CCDC85C: variants seen among roughly 807,000 people sequenced by gnomAD.
The protein encoded by CCDC85C is coiled-coil domain containing 85C, also known as coiled-coil domain-containing protein 85C.
CCDC85C carries 18 observed loss-of-function variants against 38.3 expected under a neutral mutation model. The observed-to-expected ratio is 0.47, with a 90% CI of 0.33 to 0.70. The LOEUF is 0.70. Among genes scored for constraint, CCDC85C ranks in the 30% least tolerant of loss-of-function variants. The pLI is 0.03. For synonymous variants in CCDC85C, 264 were observed against 293.8 expected (o/e 0.90, Z 1.04); for missense variants, 566 against 621.2 (o/e 0.91, Z 0.94).
chr14:99,593,001 T>C (rs2055104051), intron 1 of CCDC85C, among the ~76,000 whole-genome samples: 1 of 152,212 alleles, frequency 6.6e-6, no homozygotes, highest in Non-Finnish European at 1.5e-5. Flanking sequence ...AGCGTCCCAT[T>C]GTTCCACCAG....
intron 2 of CCDC85C, among the ~76,000 whole-genome samples, chr14:99,527,553 G>A (rs1267785936): frequency 6.6e-6 from 1 of 152,178 alleles, no homozygotes; most frequent in African/African-American, 2.4e-5. Flanking sequence ...CTGGGCACAG[G>A]TGGGAGCTGA....
chr14:99,604,144 G>A lies in CCDC85C; in HGVS notation c.-185C>T. 2.4e-6 allele frequency: 1 copy of A among 412,858 alleles called. No individual in the cohort carries two copies. The highest frequency in any genetic ancestry group is 3.2e-6 in the Non-Finnish European group (1 of 309,334). The allele number at this position is 412,858 out of a possible 1,614,324, so 25.6% of individuals were successfully genotyped here. Reference sequence around the variant, plus strand: ...GGCCGCCCGGGAGCCCGCGCGCCTCGGGGTTGACGAGCGGAGGCGGCTGCT... The same window carrying A: ...GGCCGCCCGGGAGCCCGCGCGCCTCAGGGTTGACGAGCGGAGGCGGCTGCT... On this transcript the variant is annotated 5_prime_UTR_variant, in exon 1 of 6. Coordinates refer to ENST00000380243, the MANE Select transcript of CCDC85C (RefSeq NM_001144995.2).
rs1897195127 is a variant in CCDC85C, at chr14:99,514,827, T to C, written c.*419A>G. On this transcript the variant is annotated 3_prime_UTR_variant, in exon 6 of 6. Coordinates refer to ENST00000380243, the MANE Select transcript of CCDC85C (RefSeq NM_001144995.2). ...ACCTGCGTCAAGACCCAGGTAGTGG[T>C]GGTCTCTGTCCAGTGTGGGTGGCAG... The C allele has an allele frequency of 6.2e-6, 1 of 161,382 alleles. No individual in the cohort carries two copies. Among genetic ancestry groups the C allele is most frequent in the Admixed American group, 5.8e-5 (1 of 17,162 alleles). The allele number at this position is 161,382 out of a possible 1,614,324, so 10.0% of individuals were successfully genotyped here.
intron 1 of CCDC85C, among the ~76,000 whole-genome samples, chr14:99,537,562 C>T (rs1344979797): frequency 6.6e-6 from 1 of 152,170 alleles, no homozygotes; most frequent in African/African-American, 2.4e-5. Flanking sequence ...CGGCCGCACT[C>T]ACTGCTGGGG....
At chr14:99,600,450 C>T (rs8010418) in intron 1 of CCDC85C, among the ~76,000 whole-genome samples, 13,168 of 152,276 alleles carry the variant, frequency 0.086, 697 homozygotes, top group Non-Finnish European at 0.11. Context: ...GTGACACTTC[C>T]CAGCATGGGA....
chr14:99,553,781 G>T (rs1897959701), intron 1 of CCDC85C, among the ~76,000 whole-genome samples: 1 of 152,356 alleles, frequency 6.6e-6, no homozygotes, highest in East Asian at 1.9e-4. Flanking sequence ...CAGAAGCCCA[G>T]GGCTGGGCTG....
chr14:99,571,858 C>G (rs2021922), intron 1 of CCDC85C, among the ~76,000 whole-genome samples: 118,634 of 152,152 alleles, frequency 0.78, 46,453 homozygotes, highest in South Asian at 0.86. Context: ...CCCACCTGCC[C>G]CTTTTCTTCC....
intron 1 of CCDC85C, among the ~76,000 whole-genome samples, chr14:99,555,152 G>A (rs1002704342): frequency 6.6e-6 from 1 of 152,212 alleles, no homozygotes; most frequent in Non-Finnish European, 1.5e-5. Context: ...AGGGAGCTAG[G>A]GAGCCTCCCT....
intron 1 of CCDC85C, among the ~76,000 whole-genome samples, chr14:99,566,137 G>A (rs1187781219): frequency 2.0e-5 from 3 of 152,202 alleles, no homozygotes; most frequent in African/African-American, 7.2e-5. Flanking sequence ...CCAGCCCTAC[G>A]CTCCAGAATC....
intron 1 of CCDC85C, among the ~76,000 whole-genome samples, chr14:99,587,079 G>A (rs2055035178): frequency 6.6e-6 from 1 of 152,222 alleles, no homozygotes; most frequent in Non-Finnish European, 1.5e-5. Context: ...CCATCCTGAG[G>A]TTCTGGACAG....
intron 1 of CCDC85C, among the ~76,000 whole-genome samples, chr14:99,543,218 T>C (rs561669857): frequency 6.6e-6 from 1 of 152,262 alleles, no homozygotes; most frequent in East Asian, 1.9e-4. Context: ...GCTGCTTACC[T>C]ACCCCAGTGC....
At chr14:99,597,329 G>A (rs1203539701) in intron 1 of CCDC85C, among the ~76,000 whole-genome samples, 1 of 152,164 alleles carries the variant, frequency 6.6e-6, no homozygotes, top group African/African-American at 2.4e-5. Context: ...TTCCCACCTG[G>A]CTCTGGGTTC....
intron 1 of CCDC85C, among the ~76,000 whole-genome samples, chr14:99,592,826 A>G (rs2055101521): frequency 6.6e-6 from 1 of 152,120 alleles, no homozygotes; most frequent in South Asian, 2.1e-4. Flanking sequence ...AAGGAACAAG[A>G]GAAAGGAGAC....
intron 1 of CCDC85C, among the ~76,000 whole-genome samples, chr14:99,592,728 C>T (rs1480481190): frequency 3.3e-5 from 5 of 152,190 alleles, no homozygotes; most frequent in Non-Finnish European, 7.3e-5. Flanking sequence ...GGCCAAGGGG[C>T]AGAGCAGTAG....
chr14:99,586,438 C>A (rs540567937), intron 1 of CCDC85C, among the ~76,000 whole-genome samples: 1 of 152,208 alleles, frequency 6.6e-6, no homozygotes, highest in Admixed American at 6.5e-5. Context: ...CCTCCCCAGG[C>A]GGGAAACGGA....
At position 99,545,347 on chromosome 14, in the gene CCDC85C, G is replaced by A. The variant is rs189324472; in HGVS notation, c.794-9259C>T. Among the ~76,000 whole-genome samples the A allele has an allele frequency of 3.7e-4, 56 of 152,268 alleles. No homozygotes were observed. The highest frequency in any genetic ancestry group is 4.3e-4 in the African/African-American group (18 of 41,550). ...GCAGCTGAATGGAAAGCCCCGCTCC[G>A]GCTCAGTTCATCTAGAATGTGCCCT... On this transcript the variant is annotated intron_variant, in intron 1 of 5. Coordinates refer to ENST00000380243, the MANE Select transcript of CCDC85C (RefSeq NM_001144995.2). The surrounding 1 kb of genome is among the most constrained non-coding windows in gnomAD (Gnocchi z 4.7).
At chr14:99,593,165 A>G (rs1006396721) in intron 1 of CCDC85C, among the ~76,000 whole-genome samples, 7 of 152,196 alleles carry the variant, frequency 4.6e-5, no homozygotes, top group African/African-American at 1.2e-4. Context: ...GGCCCCACAC[A>G]ATCGGGCCCT....
In CCDC85C at chr14:99,571,748, C is replaced by T. The variant is rs567907847; in HGVS notation, c.793+31419G>A. 1.4e-4 allele frequency among the ~76,000 whole-genome samples: 22 copies of T among 152,316 alleles called. No homozygotes were observed. The South Asian group carries it at 1.7e-3, about 11-fold the overall frequency. On this transcript the variant is annotated intron_variant, in intron 1 of 5. Coordinates refer to ENST00000380243, the MANE Select transcript of CCDC85C (RefSeq NM_001144995.2). ...TGCACAGGGTAATTTGTGGCCTGTC[C>T]GGGCCTTTGCCAATGTAAATATTTC... is the stretch of plus-strand genomic sequence containing the variant.
chr14:99,537,886 G>A (rs1897635749), intron 1 of CCDC85C, among the ~76,000 whole-genome samples: 2 of 152,174 alleles, frequency 1.3e-5, no homozygotes, highest in South Asian at 4.1e-4. Context: ...GCATGGGGAG[G>A]TAGGGTGCAG....
Sources: allele counts gnomAD v4.1 joint callset (sites outside exome capture counted in the v4.1 genomes callset), GRCh38; gene constraint gnomAD v4.1.1; non-coding constraint Gnocchi (gnomAD v3.1); transcripts MANE v1.5; gene names NCBI Gene and HGNC (gene_info 2026-07-23, HGNC 2026-07-21).